The following PUM1 variants were observed in gnomAD, a reference collection of about 807,000 sequenced individuals.
The protein encoded by PUM1 is pumilio RNA binding family member 1.
Under a neutral mutation model 131.8 loss-of-function variants are expected in PUM1, and 13 were observed. The observed-to-expected ratio is 0.10, with a 90% confidence interval of 0.06 to 0.16. The LOEUF (loss-of-function observed/expected upper bound fraction) is 0.16. Among genes scored for constraint, PUM1 ranks in the 10% least tolerant of loss-of-function variants. PUM1 has a pLI of 1.00. For synonymous variants in PUM1, 509 were observed against 556.5 expected (o/e 0.91, Z 1.20); for missense variants, 961 against 1,512.4 (o/e 0.64, Z 6.05).
At chr1:30,954,418 A>G (rs1313181557) in intron 14 of PUM1, among the ~76,000 whole-genome samples, 1 of 152,010 alleles carries the variant, frequency 6.6e-6, no homozygotes, top group African/African-American at 2.4e-5. Flanking sequence ...TCCATCTGAA[A>G]CCCACTCTAA....
rs560851955 is a variant in PUM1 at position 31,036,447 on chromosome 1, C to T, written c.364-7583G>A. 5.7e-4 allele frequency among the ~76,000 whole-genome samples: 87 copies of T among 152,292 alleles called. 1 individual carries two copies. Among genetic ancestry groups the T allele is most frequent in the African/African-American group, 2.0e-3 (84 of 41,564 alleles). On this transcript the variant is annotated intron_variant, in intron 2 of 21. Transcript: ENST00000426105. ...AGAGCAGACCATACAGGGTGGCTCA[C>T]ACCTCTACATGGCCAGTACTTTCGA...
At chr1:31,035,122 A>G (rs1258499824) in intron 2 of PUM1, among the ~76,000 whole-genome samples, 2 of 152,224 alleles carry the variant, frequency 1.3e-5, no homozygotes, top group Non-Finnish European at 2.9e-5. Flanking sequence ...AATACTTTAT[A>G]CACTTTATCA....
chr1:31,037,466 T>C (rs1643648673), intron 2 of PUM1, among the ~76,000 whole-genome samples: 1 of 152,270 alleles, frequency 6.6e-6, no homozygotes, highest in African/African-American at 2.4e-5. Flanking sequence ...GGCTCATGCC[T>C]CCCAGCACTT....
chr1:31,021,089 A>G (rs921175269), intron 3 of PUM1, among the ~76,000 whole-genome samples: 3 of 152,234 alleles, frequency 2.0e-5, no homozygotes, highest in African/African-American at 7.2e-5. Context: ...TCGATCTGTA[A>G]CAACGTAACA....
At chr1:30,963,095 G>A (rs1226995404) in intron 14 of PUM1, among the ~76,000 whole-genome samples, 3 of 152,170 alleles carry the variant, frequency 2.0e-5, no homozygotes, top group African/African-American at 4.8e-5. Context: ...AGATGACACA[G>A]GCTAGGCAAG....
chr1:30,943,538 C>T (rs986968670), intron 18 of PUM1, among the ~76,000 whole-genome samples: 1 of 152,310 alleles, frequency 6.6e-6, no homozygotes, highest in East Asian at 1.9e-4. Context: ...AGGTGTGAAC[C>T]ACCGTGCCCG....
At chr1:30,958,333 T>C (rs964626380) in intron 14 of PUM1, among the ~76,000 whole-genome samples, 1 of 152,252 alleles carries the variant, frequency 6.6e-6, no homozygotes, top group African/African-American at 2.4e-5. Flanking sequence ...TTCATTTTTT[T>C]GCCCTAGACA....
At chr1:31,064,738 T>C (rs1644443137) in intron 1 of PUM1, among the ~76,000 whole-genome samples, 1 of 114,822 alleles carries the variant, frequency 8.7e-6, no homozygotes. Flanking sequence ...ATGCTGTGTG[T>C]GGGTTTCTGG....
Position 30,995,170 on chromosome 1 carries a change from GTTC to G in PUM1, c.768_770del (p.Lys256del). On this transcript the variant is annotated inframe_deletion, in exon 6 of 22. Coordinates refer to ENST00000426105, the MANE Select transcript of PUM1 (RefSeq NM_001020658.2). ...GCTTATCTCCATCAAACGTACCCTT[GTTC>G]TTCTTTTCACCTTTGTCGTTTTCAT... 1.9e-6 allele frequency: 3 copies of G among 1,614,102 alleles called. No individual in the cohort carries two copies. Among genetic ancestry groups the G allele is most frequent in the South Asian group, 1.1e-5 (1 of 91,064 alleles).
chr1:31,045,884 C>G (rs1022881896), intron 2 of PUM1, among the ~76,000 whole-genome samples: 1 of 152,050 alleles, frequency 6.6e-6, no homozygotes, highest in Admixed American at 6.6e-5. Context: ...GAGTTCAAGA[C>G]CAGCCTGGTC....
At chr1:30,937,189 G>GT (rs1336238469) in intron 20 of PUM1, among the ~76,000 whole-genome samples, 1 of 152,106 alleles carries the variant, frequency 6.6e-6, no homozygotes, top group Non-Finnish European at 1.5e-5. Flanking sequence ...ACGGGTAAGG[G>GT]TAAGGAGCCC....
intron 14 of PUM1, among the ~76,000 whole-genome samples, chr1:30,960,442 A>T (rs1640357873): frequency 1.3e-5 from 2 of 152,216 alleles, no homozygotes; most frequent in Non-Finnish European, 2.9e-5. Flanking sequence ...AGTCATCCAG[A>T]TTGGGAAATG....
At chr1:31,036,667 C>G (rs1049682855) in intron 2 of PUM1, 3 of 152,318 alleles carry the variant, frequency 2.0e-5, no homozygotes, top group African/African-American at 7.2e-5. Flanking sequence ...GAGCTCTCCA[C>G]TGGGGAGCAG....
intron 3 of PUM1, among the ~76,000 whole-genome samples, chr1:31,026,908 C>T (rs1345113047): frequency 6.9e-6 from 1 of 145,690 alleles, no homozygotes; most frequent in Non-Finnish European, 1.5e-5. Flanking sequence ...TAACATATGC[C>T]TATATTCATG....
At chr1:30,981,438 G>C (rs745540779) in intron 7 of PUM1, 33 bp from the exon 8 acceptor site, 11 of 1,391,708 alleles carry the variant, frequency 7.9e-6, no homozygotes, top group Admixed American at 2.0e-5. Context: ...GTGTGGTTAG[G>C]GAAACTGTCT....
At chr1:31,041,943 C>T (rs1000736815) in intron 2 of PUM1, among the ~76,000 whole-genome samples, 1 of 152,020 alleles carries the variant, frequency 6.6e-6, no homozygotes, top group Admixed American at 6.6e-5. Flanking sequence ...TATTAGAACA[C>T]TTCCAGGACA....
intron 3 of PUM1, among the ~76,000 whole-genome samples, chr1:31,016,478 T>G (rs1642822195): frequency 6.6e-6 from 1 of 152,182 alleles, no homozygotes; most frequent in Non-Finnish European, 1.5e-5. Flanking sequence ...TTTGCATTTA[T>G]ATATATGTAT....
chr1:30,997,354 T>C (rs1257437912), intron 5 of PUM1, among the ~76,000 whole-genome samples: 3 of 151,528 alleles, frequency 2.0e-5, no homozygotes, highest in African/African-American at 7.3e-5. Context: ...CTAAGAAAAA[T>C]ACAAAAATTA....
rs531529251 is a variant in PUM1 at position 30,952,097 on chromosome 1, T to TTC, written c.2721+136_2721+137insGA. ...TGCTGCTAATGAATTGGAAAAACACTAAAAACCTCTTCAAAAAGACCACAC... is the reference window on the plus strand; with the variant it reads ...TGCTGCTAATGAATTGGAAAAACACTTCAAAAACCTCTTCAAAAAGACCACAC... On this transcript the variant is annotated intron_variant, in intron 16 of 21. Transcript: ENST00000426105. 7.7e-6 allele frequency: 6 copies of TTC among 779,274 alleles called. No homozygotes were observed. The East Asian group carries it at 8.1e-5, about 11-fold the overall frequency. 48.3% of individuals were successfully genotyped at this position (779,274 alleles called of 1,614,324 possible). A position where few individuals can be genotyped will look rare whatever the true frequency, so the allele number is the denominator to read the frequency against.
Sources: gnomAD v4.1 joint callset for allele counts (sites outside exome capture counted in the v4.1 genomes callset) on GRCh38, gnomAD v4.1.1 for gene constraint, MANE v1.5 for transcripts, NCBI Gene and HGNC (gene_info 2026-07-23, HGNC 2026-07-21) for gene names.